The following TMTC2 variants were observed in gnomAD, a reference collection of about 807,000 sequenced individuals.
TMTC2 encodes the protein transmembrane O-mannosyltransferase targeting cadherins 2, also known as protein O-mannosyl-transferase TMTC2.
Under a neutral mutation model 82.4 loss-of-function variants are expected in TMTC2, and 43 were observed. That is an observed-to-expected ratio of 0.52 (90% CI 0.41 to 0.67). The LOEUF is 0.67. Ranked by LOEUF, TMTC2 falls within the 30% of genes least tolerant of loss-of-function variation. The pLI, the probability that TMTC2 is intolerant of heterozygous loss-of-function variation, is 0.00. For synonymous variants in TMTC2, 408 were observed against 381.9 expected (o/e 1.07, Z -0.80); for missense variants, 919 against 1,012.4 (o/e 0.91, Z 1.25).
chr12:82,895,951 C>A lies in TMTC2; in HGVS notation c.788C>A (p.Ser263Ter). 1 of 1,613,886 alleles carries A rather than the reference C, an allele frequency of 6.2e-7. No homozygotes were observed. The highest frequency in any genetic ancestry group is 1.1e-5 in the South Asian group (1 of 91,054). Reference sequence around the variant, plus strand: ...AACTCGGACAACCCCGCTGCTGATTCGGACAGCCTCCTCACCCGCACTCTC... The same window carrying A: ...AACTCGGACAACCCCGCTGCTGATTAGGACAGCCTCCTCACCCGCACTCTC... ...FSNSDNPAAD[S>*]DSLLTRTLTF... The change falls in exon 3 of 12, where the codon TCG becomes TAG. Residue 263 changes from serine to a stop codon, truncating the protein, a stop_gained. Coordinates refer to ENST00000321196, the MANE Select transcript of TMTC2 (RefSeq NM_152588.3). LOFTEE classifies it high-confidence loss of function.
chr12:82,961,229 T>G (rs1298936616), intron 4 of TMTC2, among the ~76,000 whole-genome samples: 1 of 129,124 alleles, frequency 7.7e-6, no homozygotes, highest in Non-Finnish European at 1.7e-5. Context: ...TTATTATTAT[T>G]ATTGTAACTA....
intron 4 of TMTC2, among the ~76,000 whole-genome samples, chr12:82,942,611 A>C (rs543502205): frequency 6.6e-6 from 1 of 152,338 alleles, no homozygotes; most frequent in East Asian, 1.9e-4. Flanking sequence ...TACATTTGTG[A>C]ATGTAAATTC....
chr12:83,078,095 C>T (rs967844981), intron 11 of TMTC2, among the ~76,000 whole-genome samples: 6 of 151,734 alleles, frequency 4.0e-5, no homozygotes, highest in African/African-American at 1.2e-4. Context: ...GCCAGGTGAT[C>T]GGATATCAAA....
intron 11 of TMTC2, among the ~76,000 whole-genome samples, chr12:83,128,390 C>G (rs1040791360): frequency 6.6e-6 from 1 of 151,490 alleles, no homozygotes; most frequent in African/African-American, 2.4e-5. Context: ...AACATTTAGT[C>G]ATTTATGGCT....
At chr12:82,812,960 T>G (rs554629695) in intron 1 of TMTC2, among the ~76,000 whole-genome samples, 30 of 152,208 alleles carry the variant, frequency 2.0e-4, no homozygotes, top group African/African-American at 6.0e-4. Flanking sequence ...AATTTAGTTA[T>G]TTGCCGTCAC....
intron 1 of TMTC2, among the ~76,000 whole-genome samples, chr12:82,743,623 C>G (rs1273957592): frequency 6.6e-6 from 1 of 152,134 alleles, no homozygotes; most frequent in African/African-American, 2.4e-5. Flanking sequence ...CATTCCATGT[C>G]CAATTTTGAT....
chr12:82,958,887 T>A (rs1241418669), intron 4 of TMTC2, among the ~76,000 whole-genome samples: 1 of 152,206 alleles, frequency 6.6e-6, no homozygotes, highest in South Asian at 2.1e-4. Flanking sequence ...GCAGTCAAAC[T>A]AACTCTTTAC....
rs1424935617 is a variant in TMTC2 at position 82,778,781 on chromosome 12, G to A, written c.84-78229G>A. ...GGAGAATGGCGTGAACCCGGGAGGC[G>A]GAGCTTGCAGTGAGCCGAGATCCCG... is the stretch of plus-strand genomic sequence containing the variant. On this transcript the variant is annotated intron_variant, in intron 1 of 11. Coordinates refer to ENST00000321196, the MANE Select transcript of TMTC2 (RefSeq NM_152588.3). Among the ~76,000 whole-genome samples the A allele has an allele frequency of 3.9e-4, 57 of 145,138 alleles. 1 individual carries two copies. Among genetic ancestry groups the A allele is most frequent in the East Asian group, 3.0e-3 (15 of 5,010 alleles).
At chr12:83,076,102 C>T (rs1002851613) in intron 11 of TMTC2, among the ~76,000 whole-genome samples, 37 of 152,190 alleles carry the variant, frequency 2.4e-4, no homozygotes, top group African/African-American at 8.7e-4. Context: ...GTCAGATTGT[C>T]GCACTGACCT....
intron 7 of TMTC2, among the ~76,000 whole-genome samples, chr12:82,985,018 T>G (rs992213293): frequency 6.6e-6 from 1 of 152,054 alleles, no homozygotes; most frequent in Non-Finnish European, 1.5e-5. Context: ...GTAAAATTTA[T>G]TTAGTTAATT....
At chr12:83,066,761 T>A (rs1021302686) in intron 11 of TMTC2, among the ~76,000 whole-genome samples, 6 of 152,016 alleles carry the variant, frequency 3.9e-5, no homozygotes, top group African/African-American at 1.4e-4. Flanking sequence ...CCACCATATA[T>A]GTTCCAAAAT....
At chr12:82,812,504 T>C (rs1271112482) in intron 1 of TMTC2, among the ~76,000 whole-genome samples, 1 of 152,136 alleles carries the variant, frequency 6.6e-6, no homozygotes, top group African/African-American at 2.4e-5. Flanking sequence ...AGGTGACATC[T>C]AATCAGTTTG....
intron 1 of TMTC2, among the ~76,000 whole-genome samples, chr12:82,725,832 A>C (rs1006729926): frequency 2.6e-5 from 4 of 152,204 alleles, no homozygotes; most frequent in Non-Finnish European, 4.4e-5. Flanking sequence ...ACCTGGGATT[A>C]ATAGAAAGGA....
chr12:82,729,588 G>A (rs1183947499), intron 1 of TMTC2, among the ~76,000 whole-genome samples: 1 of 152,128 alleles, frequency 6.6e-6, no homozygotes, highest in Admixed American at 6.5e-5. Flanking sequence ...TTTGTGTCTA[G>A]CGCAGGGATT....
At chr12:82,790,067 T>C (rs1016204557) in intron 1 of TMTC2, among the ~76,000 whole-genome samples, 2 of 151,400 alleles carry the variant, frequency 1.3e-5, no homozygotes, top group Non-Finnish European at 2.9e-5. Flanking sequence ...CTGGGTGTGG[T>C]GATGTATGCC....
chr12:82,934,334 C>A (rs1352208850), intron 4 of TMTC2, among the ~76,000 whole-genome samples: 1 of 152,094 alleles, frequency 6.6e-6, no homozygotes, highest in African/African-American at 2.4e-5. Flanking sequence ...CACCCATCAA[C>A]CCGTCATCTA....
chr12:82,897,511 C>T (rs1164855259), intron 3 of TMTC2, among the ~76,000 whole-genome samples: 2 of 152,028 alleles, frequency 1.3e-5, no homozygotes, highest in Non-Finnish European at 2.9e-5. Flanking sequence ...ACTAAAGAGT[C>T]TTGTTCTTCA....
At chr12:83,033,810 ATGTGTGTGTGTG>A (rs71977642) in intron 9 of TMTC2, among the ~76,000 whole-genome samples, 1 of 147,644 alleles carries the variant, frequency 6.8e-6, no homozygotes, top group Non-Finnish European at 1.5e-5. Flanking sequence ...ATACACATAT[ATGTGTGTGTGTG>A]TGTGTGTGTG....
At chr12:83,085,165 A>C (rs2137510231) in intron 11 of TMTC2, among the ~76,000 whole-genome samples, 1 of 152,286 alleles carries the variant, frequency 6.6e-6, no homozygotes, top group Non-Finnish European at 1.5e-5. Flanking sequence ...TTGTTCTGTG[A>C]GTCCCTTTGG....
Sources: allele counts gnomAD v4.1 joint callset (sites outside exome capture counted in the v4.1 genomes callset), GRCh38; gene constraint gnomAD v4.1.1; transcripts MANE v1.5; gene names NCBI Gene and HGNC (gene_info 2026-07-23, HGNC 2026-07-21).